PRDM16: variants seen among roughly 807,000 people sequenced by gnomAD.
The protein encoded by PRDM16 is PR/SET domain 16, also known as histone-lysine N-methyltransferase PRDM16.
In PRDM16, 23 loss-of-function variants were observed where a neutral mutation model predicts 110.6. The observed-to-expected ratio is 0.21, with a 90% CI of 0.15 to 0.29. The LOEUF (loss-of-function observed/expected upper bound fraction) is 0.29, where lower values mean the gene tolerates loss of function less well. Ranked by LOEUF, PRDM16 falls within the 10% of genes least tolerant of loss-of-function variation. The probability of loss-of-function intolerance (pLI) is 1.00; values close to 1 mark genes in which losing one functional copy is unlikely to be tolerated. For synonymous variants in PRDM16, 799 were observed against 781.8 expected (o/e 1.02, Z -0.37); for missense variants, 1,615 against 1,794.3 (o/e 0.90, Z 1.81).
At chr1:3,169,173 G>A (rs1011106149) in intron 1 of PRDM16, among the ~76,000 whole-genome samples, 5 of 152,180 alleles carry the variant, frequency 3.3e-5, no homozygotes, top group African/African-American at 1.2e-4. Flanking sequence ...TGCTAAATGG[G>A]CCCATGGAGG....
intron 1 of PRDM16, among the ~76,000 whole-genome samples, chr1:3,108,249 T>A (rs1002410859): frequency 6.6e-6 from 1 of 152,214 alleles, no homozygotes; most frequent in Admixed American, 6.5e-5. Flanking sequence ...ATCCAAATTA[T>A]CCTGTAATTC....
rs1186855475 is a variant in PRDM16, at chr1:3,353,198, G to A, written c.439-31954G>A. Among the ~76,000 whole-genome samples the A allele has an allele frequency of 6.6e-6, 1 of 152,252 alleles. No individual in the cohort carries two copies. On this transcript the variant is annotated intron_variant, in intron 3 of 16. Transcript: ENST00000270722. The surrounding 1 kb of genome is among the most constrained non-coding windows in gnomAD (Gnocchi z 5.4). ...TCCTCCTGACCAATGCCCTCCTGTA[G>A]TAAAAGTTAACCGGGTGTGAAATGC...
intron 2 of PRDM16, among the ~76,000 whole-genome samples, chr1:3,211,864 G>C (rs932901299): frequency 7.9e-5 from 12 of 152,380 alleles, no homozygotes; most frequent in African/African-American, 2.9e-4. Flanking sequence ...CCTGGGCCCG[G>C]CGTGAGTGTG....
At chr1:3,273,495 C>G (rs983516574) in intron 3 of PRDM16, among the ~76,000 whole-genome samples, 6 of 151,506 alleles carry the variant, frequency 4.0e-5, no homozygotes, top group African/African-American at 1.5e-4. Context: ...CATATATGAG[C>G]TGCATCTATA....
At chr1:3,380,087 G>A (rs570307484) in intron 3 of PRDM16, among the ~76,000 whole-genome samples, 11 of 117,698 alleles carry the variant, frequency 9.3e-5, no homozygotes, top group Admixed American at 7.5e-4. Flanking sequence ...CCCTCCTGGC[G>A]CACCCCCTCC....
At chr1:3,136,273 G>A (rs577698516) in intron 1 of PRDM16, among the ~76,000 whole-genome samples, 8 of 152,340 alleles carry the variant, frequency 5.3e-5, no homozygotes, top group East Asian at 1.9e-4. Flanking sequence ...GGCCAGCCCC[G>A]CGCGATGCTC....
chr1:3,235,971 T>C (rs1302288975), intron 2 of PRDM16, among the ~76,000 whole-genome samples: 1 of 152,118 alleles, frequency 6.6e-6, no homozygotes, highest in African/African-American at 2.4e-5. Context: ...GTGGCTGGAA[T>C]GGCCCAAGCA....
intron 1 of PRDM16, among the ~76,000 whole-genome samples, chr1:3,170,083 G>A (rs913006912): frequency 1.3e-5 from 2 of 151,582 alleles, no homozygotes; most frequent in Non-Finnish European, 2.9e-5. Context: ...TTTTTTCCTC[G>A]CCGCTGGCCT....
At chr1:3,408,734 G>A (rs115120278) in intron 8 of PRDM16, among the ~76,000 whole-genome samples, 3,215 of 148,248 alleles carry the variant, frequency 0.022, 108 homozygotes, top group African/African-American at 0.073. Flanking sequence ...GTGTGGGCGC[G>A]TGAGCCGGTG....
chr1:3,410,357 G>A (rs1489774855), intron 8 of PRDM16, among the ~76,000 whole-genome samples: 1 of 152,156 alleles, frequency 6.6e-6, no homozygotes, highest in Non-Finnish European at 1.5e-5. Context: ...GCTGGCACTC[G>A]CCAGCCAGAG....
intron 1 of PRDM16, among the ~76,000 whole-genome samples, chr1:3,172,513 G>GT (rs1192303872): frequency 6.6e-6 from 1 of 152,206 alleles, no homozygotes; most frequent in Non-Finnish European, 1.5e-5. Flanking sequence ...CCACAGTGGC[G>GT]TGTGCTTCAC....
intron 3 of PRDM16, among the ~76,000 whole-genome samples, chr1:3,371,058 AC>A (rs1419863326): frequency 1.3e-5 from 2 of 150,642 alleles, no homozygotes; most frequent in Non-Finnish European, 3.0e-5. Context: ...CCATCCACCC[AC>A]CCATCCACCA....
chr1:3,413,571 G>C (rs920061600), intron 9 of PRDM16, among the ~76,000 whole-genome samples: 2 of 152,150 alleles, frequency 1.3e-5, no homozygotes, highest in Non-Finnish European at 2.9e-5. Flanking sequence ...TGTGCTCCCC[G>C]CTTCGCCATG....
chr1:3,111,603 T>TG (rs1642795990), intron 1 of PRDM16, among the ~76,000 whole-genome samples: 1 of 151,380 alleles, frequency 6.6e-6, no homozygotes. Flanking sequence ...CGAGCAAGGT[T>TG]GGGGGAGCCC....
At chr1:3,342,923 G>A (rs537510249) in intron 3 of PRDM16, among the ~76,000 whole-genome samples, 2 of 152,238 alleles carry the variant, frequency 1.3e-5, no homozygotes, top group East Asian at 1.9e-4. Context: ...TGTATCAGAT[G>A]TGGGCTATTA....
chr1:3,228,531 C>T (rs770860468), intron 2 of PRDM16, among the ~76,000 whole-genome samples: 1 of 152,210 alleles, frequency 6.6e-6, no homozygotes, highest in Non-Finnish European at 1.5e-5. Context: ...AAGTCCTGTG[C>T]CAGGCTCAGA....
At position 3,104,223 on chromosome 1, in the gene PRDM16, C is replaced by T. The variant is rs530692303; in HGVS notation, c.37+34927C>T. On this transcript the variant is annotated intron_variant, in intron 1 of 16. Coordinates refer to ENST00000270722, the MANE Select transcript of PRDM16 (RefSeq NM_022114.4). Reference sequence around the variant, plus strand: ...CCTTTTCAGAACTCCAGCTCCCAGGCGGCACTGTGGGGACCCAGGAGGCGG... The same window carrying T: ...CCTTTTCAGAACTCCAGCTCCCAGGTGGCACTGTGGGGACCCAGGAGGCGG... Among the ~76,000 whole-genome samples the T allele has an allele frequency of 3.1e-4, 47 of 152,320 alleles. No homozygotes were observed. The South Asian group carries it at 4.8e-3, about 15-fold the overall frequency.
intron 1 of PRDM16, among the ~76,000 whole-genome samples, chr1:3,120,197 G>T (rs183630852): frequency 1.2e-4 from 19 of 152,330 alleles, no homozygotes; most frequent in Non-Finnish European, 2.2e-4. Flanking sequence ...TAATTAAGGC[G>T]ATGGATTAAA....
At chr1:3,411,187 G>A (rs976222445) in intron 8 of PRDM16, among the ~76,000 whole-genome samples, 197 bp from the exon 9 acceptor site, 1 of 152,118 alleles carries the variant, frequency 6.6e-6, no homozygotes, top group African/African-American at 2.4e-5. Flanking sequence ...CTGTGTATTT[G>A]TGTGTACGCA....
Sources: gnomAD v4.1 joint callset for allele counts (sites outside exome capture counted in the v4.1 genomes callset) on GRCh38, gnomAD v4.1.1 for gene constraint, Gnocchi (gnomAD v3.1) non-coding constraint, MANE v1.5 for transcripts, NCBI Gene and HGNC (gene_info 2026-07-23, HGNC 2026-07-21) for gene names.